VPS13D: variants seen among roughly 807,000 people sequenced by gnomAD.
VPS13D encodes the protein vacuolar protein sorting 13 homolog D.
A neutral mutation model predicts 461.9 loss-of-function variants in VPS13D; 187 were observed. That is an observed-to-expected ratio of 0.40 (90% CI 0.36 to 0.46). The LOEUF (loss-of-function observed/expected upper bound fraction) is 0.46, where lower values mean the gene tolerates loss of function less well. Ranked by LOEUF, VPS13D falls within the 20% of genes least tolerant of loss-of-function variation. The pLI is 0.60. For synonymous variants in VPS13D, 1,951 were observed against 1,986.3 expected (o/e 0.98, Z 0.47); for missense variants, 4,711 against 5,364.9 (o/e 0.88, Z 3.81).
intron 40 of VPS13D, among the ~76,000 whole-genome samples, chr1:12,340,840 C>G (rs1321906426): frequency 6.6e-6 from 1 of 152,186 alleles, no homozygotes; most frequent in East Asian, 1.9e-4. Context: ...CACTGGTTTG[C>G]TGCTGCTGCC....
At chr1:12,463,179 C>T (rs1374159715) in intron 67 of VPS13D, among the ~76,000 whole-genome samples, 3 of 152,188 alleles carry the variant, frequency 2.0e-5, no homozygotes, top group Non-Finnish European at 4.4e-5. Context: ...GAGGCACAGC[C>T]GGTCTTCATA....
intron 65 of VPS13D, among the ~76,000 whole-genome samples, chr1:12,419,611 C>T (rs554768238): frequency 2.0e-4 from 31 of 152,116 alleles, no homozygotes; most frequent in Non-Finnish European, 4.3e-4. Context: ...TACTTTTAAA[C>T]AGCCAGATCT....
chr1:12,362,945 T>G, intron 51 of VPS13D, 95 bp downstream of exon 51: 1 of 1,588,620 alleles, frequency 6.3e-7, no homozygotes, highest in Non-Finnish European at 8.6e-7. Context: ...GTGATGCAAG[T>G]AACTGCTCTG....
Position 12,379,575 on chromosome 1 carries a change from G to A in VPS13D, c.11169G>A (p.Gly3723=). ...TCCGAGAAGGAAAACTGACCTGTGGGTTACATGGGTTGGTCGTCCAGGTCA... is the reference window on the plus strand; with the variant it reads ...TCCGAGAAGGAAAACTGACCTGTGGATTACATGGGTTGGTCGTCCAGGTCA... ...WSFREGKLTC[G]LHGLVVQAKG... The change falls in exon 57 of 70, where the codon GGG becomes GGA. Residue 3723 remains glycine (G), a synonymous_variant. Transcript: ENST00000620676. 6.2e-7 allele frequency: 1 copy of A among 1,613,408 alleles called. No individual in the cohort carries two copies. Among genetic ancestry groups the A allele is most frequent in the Non-Finnish European group, 8.5e-7 (1 of 1,179,692 alleles).
intron 27 of VPS13D, among the ~76,000 whole-genome samples, chr1:12,308,919 A>T (rs894546379): frequency 6.6e-5 from 10 of 152,218 alleles, no homozygotes; most frequent in African/African-American, 2.2e-4. Context: ...TGCTGGGATT[A>T]CAGGCGTGAG....
At chr1:12,499,218 A>G (rs1570290264) in intron 68 of VPS13D, among the ~76,000 whole-genome samples, 2 of 151,912 alleles carry the variant, frequency 1.3e-5, no homozygotes, top group Admixed American at 6.6e-5. Flanking sequence ...TGAGGCTGGG[A>G]TTTTTGCCTG....
intron 60 of VPS13D, among the ~76,000 whole-genome samples, chr1:12,387,379 C>G (rs1306428951): frequency 6.6e-6 from 1 of 152,186 alleles, no homozygotes; most frequent in Non-Finnish European, 1.5e-5. Context: ...AGGTAAAATT[C>G]ACAATATCTG....
chr1:12,511,224 C>T lies in VPS13D; in HGVS notation c.*2200C>T, dbSNP rs1646177674. ...TGCCCATCTCCTGTGATTGCACAAC[C>T]AAGCACTTTGACATTTGCACCTTAG... On this transcript the variant is annotated 3_prime_UTR_variant, in exon 70 of 70. Transcript: ENST00000620676. The surrounding 1 kb of genome is among the most constrained non-coding windows in gnomAD (Gnocchi z 4.5). 2 of 150,472 alleles carry T rather than the reference C, an allele frequency of 1.3e-5. No homozygotes were observed. The highest frequency in any genetic ancestry group is 1.5e-5 in the Non-Finnish European group (1 of 67,394). 9.3% of individuals were successfully genotyped at this position (150,472 alleles called of 1,614,324 possible).
At chr1:12,381,933 T>TC (rs1491015082) in intron 57 of VPS13D, among the ~76,000 whole-genome samples, 26 of 109,478 alleles carry the variant, frequency 2.4e-4, no homozygotes, top group African/African-American at 1.1e-3. Flanking sequence ...TTTCTTTCTT[T>TC]CTTTCTTTCT....
rs759098177 is a variant in VPS13D, at chr1:12,319,624, C to T, written c.7542C>T (p.Gly2514=). ...VDRPFSGSLF[G]IEVFSCRLGN... ...GCCCCTTTTCAGGAAGTTTGTTTGG[C>T]ATTGAGGTAAGAAGTCTATGTGTTG... Residue 2514 remains glycine, a synonymous_variant, in exon 32 of 70, where the codon GGC becomes GGT. Coordinates refer to ENST00000620676, the MANE Select transcript of VPS13D (RefSeq NM_015378.4). 1 of 1,614,208 alleles carries T rather than the reference C, an allele frequency of 6.2e-7. No homozygotes were observed. The highest frequency in any genetic ancestry group is 8.5e-7 in the Non-Finnish European group (1 of 1,180,024).
Position 12,283,663 on chromosome 1 carries a change from A to T in VPS13D, c.5561A>T (p.Asn1854Ile). The change falls in exon 21 of 70, where the codon AAC (asparagine) becomes ATC (isoleucine). Residue 1854 changes from asparagine (N) to isoleucine (I), a missense_variant. Asn to Ile is a moderately radical substitution (Grantham distance 149). This residue lies in a region of VPS13D where 4,411 missense variants were observed against 4,937.8 expected (regional missense o/e 0.89). Coordinates refer to ENST00000620676, the MANE Select transcript of VPS13D (RefSeq NM_015378.4). ...MRLPPEGILH[N>I]VKLEPHASME... ...CTGCCTCCTGAGGGCATTCTGCACAACGTGAAGTTGGAGCCACATGCCTCC... is the reference window on the plus strand; with the variant it reads ...CTGCCTCCTGAGGGCATTCTGCACATCGTGAAGTTGGAGCCACATGCCTCC... 6.2e-7 allele frequency: 1 copy of T among 1,614,224 alleles called. No homozygotes were observed. The highest frequency in any genetic ancestry group is 8.5e-7 in the Non-Finnish European group (1 of 1,180,040).
intron 41 of VPS13D, 22 bp downstream of exon 41, chr1:12,341,907 C>A (rs749081704): frequency 7.5e-6 from 12 of 1,609,964 alleles, no homozygotes; most frequent in Middle Eastern, 3.3e-4. Context: ...GTTTATATTA[C>A]CCCGAGTCAT....
chr1:12,386,568 G>C (rs943472754), intron 60 of VPS13D, among the ~76,000 whole-genome samples: 3 of 152,192 alleles, frequency 2.0e-5, no homozygotes, highest in African/African-American at 7.2e-5. Flanking sequence ...CATGGAGGAA[G>C]GTGACCCATG....
chr1:12,238,882 C>T (rs1401402813), intron 2 of VPS13D, among the ~76,000 whole-genome samples: 1 of 151,920 alleles, frequency 6.6e-6, no homozygotes, highest in Non-Finnish European at 1.5e-5. Flanking sequence ...GATGCTCCTG[C>T]TTGGCCTCCT....
At chr1:12,338,044 T>A in intron 39 of VPS13D, 187 bp from the exon 40 acceptor site, 1 of 485,130 alleles carries the variant, frequency 2.1e-6, no homozygotes, top group Non-Finnish European at 3.7e-6. Flanking sequence ...AAAACTAGCA[T>A]AAAAATGTGT....
intron 10 of VPS13D, among the ~76,000 whole-genome samples, chr1:12,259,125 C>CAA: frequency 6.6e-6 from 1 of 151,588 alleles, no homozygotes; most frequent in East Asian, 1.9e-4. Flanking sequence ...ACTGCAACCT[C>CAA]CGTCACCCTG....
chr1:12,283,535 T>G lies in VPS13D; in HGVS notation c.5433T>G (p.Asp1811Glu), dbSNP rs781144135. The G allele has an allele frequency of 6.2e-7, 1 of 1,614,216 alleles. No homozygotes were observed. The highest frequency in any genetic ancestry group is 1.1e-5 in the South Asian group (1 of 91,080). Residue 1811 changes from aspartate (D) to glutamate (E), a missense_variant, in exon 21 of 70, where the codon GAT becomes GAG. Asp to Glu is a conservative substitution (Grantham distance 45). Coordinates refer to ENST00000620676, the MANE Select transcript of VPS13D (RefSeq NM_015378.4). The part of the protein sequence containing the change: ...SSYNRVNRSI[D>E]VDFNCLDVLI... ...ACAATCGAGTTAACCGGAGCATTGATGTTGATTTTAATTGCTTGGATGTGC... is the reference window on the plus strand; with the variant it reads ...ACAATCGAGTTAACCGGAGCATTGAGGTTGATTTTAATTGCTTGGATGTGC...
At chr1:12,242,444 C>T (rs1191455657) in intron 2 of VPS13D, 69 bp from the exon 3 acceptor site, 2 of 1,393,430 alleles carry the variant, frequency 1.4e-6, no homozygotes, top group Non-Finnish European at 2.0e-6. Flanking sequence ...ACCTTCAATG[C>T]TTTACACACA....
At chr1:12,368,352 C>A (rs753084651) in intron 52 of VPS13D, 116 bp from the exon 53 acceptor site, 72 of 1,235,422 alleles carry the variant, frequency 5.8e-5, no homozygotes, top group Non-Finnish European at 7.6e-5. Flanking sequence ...GCTGTAAGTT[C>A]AGTGGTATTG....
Sources: gnomAD v4.1 joint callset for allele counts (sites outside exome capture counted in the v4.1 genomes callset) on GRCh38, gnomAD v4.1.1 for gene constraint, gnomAD v4.1.1 regional missense constraint, Gnocchi (gnomAD v3.1) non-coding constraint, MANE v1.5 for transcripts, NCBI Gene and HGNC (gene_info 2026-07-23, HGNC 2026-07-21) for gene names.